Variants in GSAP observed in about 807,000 individuals in gnomAD.
GSAP encodes the protein gamma-secretase activating protein, also known as gamma-secretase-activating protein.
In GSAP, 118 loss-of-function variants were observed where a neutral mutation model predicts 131.7. That is an observed-to-expected ratio of 0.90 (90% confidence interval 0.77 to 1.04). GSAP has a LOEUF of 1.04. Among genes scored for constraint, GSAP ranks in the 50% least tolerant of loss-of-function variants. GSAP has a pLI of 0.00. For missense variants in GSAP, 1,019 were observed against 1,013.2 expected (o/e 1.01, Z -0.08); for synonymous variants, 381 against 363.4 (o/e 1.05, Z -0.55).
At chr7:77,360,211 A>T (rs1193848957) in intron 14 of GSAP, among the ~76,000 whole-genome samples, 1 of 152,206 alleles carries the variant, frequency 6.6e-6, no homozygotes. Context: ...TAAGCAAGTA[A>T]ATCATTACTT....
rs753408449 is a variant in GSAP, at chr7:77,355,437, A to C, written c.1121-7T>G. 3 of 799,490 alleles carry C rather than the reference A, an allele frequency of 3.8e-6. No homozygotes were observed. Among genetic ancestry groups the C allele is most frequent in the South Asian group, 2.2e-5 (1 of 45,504 alleles). The allele number at this position is 799,490 out of a possible 1,614,324, so 49.5% of individuals were successfully genotyped here. A position where few individuals can be genotyped will look rare whatever the true frequency, so the allele number is the denominator to read the frequency against. ...TCAATCATTTCATTATTTCCTGGCA[A>C]AAAAAAAAAAAACAGTAGATCAGCA... On this transcript the variant is annotated splice_region_variant and splice_polypyrimidine_tract_variant and intron_variant, in intron 15 of 30. Coordinates refer to ENST00000257626, the MANE Select transcript of GSAP (RefSeq NM_017439.4).
At chr7:77,382,291 T>C (rs998520733) in intron 7 of GSAP, among the ~76,000 whole-genome samples, 13 of 152,040 alleles carry the variant, frequency 8.6e-5, no homozygotes, top group East Asian at 1.9e-4. Flanking sequence ...AAATGACCCA[T>C]GCAACTTTCT....
intron 10 of GSAP, 47 bp downstream of exon 10, chr7:77,376,797 AGAGT>A: frequency 1.4e-6 from 1 of 704,730 alleles, no homozygotes; most frequent in Non-Finnish European, 2.4e-6. Flanking sequence ...AAAAAAAAAG[AGAGT>A]AATGTATCAT....
chr7:77,341,454 C>G (rs1790884167), intron 19 of GSAP, among the ~76,000 whole-genome samples: 1 of 152,178 alleles, frequency 6.6e-6, no homozygotes, highest in South Asian at 2.1e-4. Context: ...AGTTTCATTC[C>G]ACGACTAGCC....
At chr7:77,359,045 G>C (rs1410925377) in intron 14 of GSAP, among the ~76,000 whole-genome samples, 1 of 152,130 alleles carries the variant, frequency 6.6e-6, no homozygotes, top group East Asian at 1.9e-4. Context: ...TAATTAGCTA[G>C]GCATGGTGGC....
intron 14 of GSAP, among the ~76,000 whole-genome samples, chr7:77,357,241 G>C (rs1274509067): frequency 6.6e-6 from 1 of 152,114 alleles, no homozygotes; most frequent in Non-Finnish European, 1.5e-5. Context: ...AATGAACAGG[G>C]AATTTTTGTC....
Position 77,372,826 on chromosome 7 carries a change from G to A in GSAP, c.871+1244C>T, listed in dbSNP as rs192374445. On this transcript the variant is annotated intron_variant, in intron 12 of 30. Coordinates refer to ENST00000257626, the MANE Select transcript of GSAP (RefSeq NM_017439.4). ...GATCCACAAGGTCCCACATAGCCTGGCCCCTGCCTGCCTCTCCAGCTTTCT... is the reference window on the plus strand; with the variant it reads ...GATCCACAAGGTCCCACATAGCCTGACCCCTGCCTGCCTCTCCAGCTTTCT... Among the ~76,000 whole-genome samples, 30 of 152,276 alleles carry A rather than the reference G, an allele frequency of 2.0e-4. No individual in the cohort carries two copies. The East Asian group carries it at 5.0e-3, about 25-fold the overall frequency.
intron 12 of GSAP, among the ~76,000 whole-genome samples, chr7:77,373,831 CCATA>C (rs2150989025): frequency 1.3e-5 from 2 of 152,226 alleles, no homozygotes; most frequent in South Asian, 4.1e-4. Context: ...TCTGTTAGAA[CCATA>C]CAAATAATAA....
At position 77,320,807 on chromosome 7, in the gene GSAP, G is replaced by T; in HGVS notation, c.2007C>A (p.Gly669=). 2 of 1,604,384 alleles carry T rather than the reference G, an allele frequency of 1.2e-6. No individual in the cohort carries two copies. The highest frequency in any genetic ancestry group is 1.7e-6 in the Non-Finnish European group (2 of 1,171,280). The change falls in exon 26 of 31, where the codon GGC becomes GGA. Residue 669 remains glycine, a synonymous_variant. Coordinates refer to ENST00000257626, the MANE Select transcript of GSAP (RefSeq NM_017439.4). Reference sequence around the variant, plus strand: ...GAAAAACTGCAAATTCAGCAGCACTGCCACGACTATTGCTGGGTAAAAAAA... The same window carrying T: ...GAAAAACTGCAAATTCAGCAGCACTTCCACGACTATTGCTGGGTAAAAAAA... ...HSWVLHFNSR[G]SAAEFAVFHI...
intron 13 of GSAP, among the ~76,000 whole-genome samples, chr7:77,362,011 G>C (rs1159065882): frequency 6.6e-6 from 1 of 152,086 alleles, no homozygotes; most frequent in Non-Finnish European, 1.5e-5. Context: ...ACACACTTTG[G>C]ATAAATACCT....
chr7:77,338,740 C>T (rs757661846), intron 19 of GSAP, among the ~76,000 whole-genome samples: 8 of 152,178 alleles, frequency 5.3e-5, no homozygotes, highest in Non-Finnish European at 1.2e-4. Flanking sequence ...GGCACCACCA[C>T]CTAAAACCAT....
At chr7:77,362,753 A>T in intron 12 of GSAP, 93 bp from the exon 13 acceptor site, 1 of 721,782 alleles carries the variant, frequency 1.4e-6, no homozygotes, top group Non-Finnish European at 2.5e-6. Flanking sequence ...ATTCCTTTAG[A>T]TGTCCTGTCT....
intron 1 of GSAP, among the ~76,000 whole-genome samples, chr7:77,411,210 C>CA (rs1803237239): frequency 6.6e-6 from 1 of 151,406 alleles, no homozygotes; most frequent in Admixed American, 6.6e-5. Context: ...ATTCTTGAAT[C>CA]AGTCACTTGG....
chr7:77,385,754 GA>G (rs1393335862), intron 6 of GSAP, among the ~76,000 whole-genome samples: 4 of 152,176 alleles, frequency 2.6e-5, no homozygotes, highest in Admixed American at 2.0e-4. Flanking sequence ...GCTGACAGGG[GA>G]GGACCCTGGG....
At chr7:77,384,868 G>A (rs993859942) in intron 6 of GSAP, among the ~76,000 whole-genome samples, 1 of 152,238 alleles carries the variant, frequency 6.6e-6, no homozygotes, top group African/African-American at 2.4e-5. Context: ...GCGGGGATTT[G>A]CCACTGGGGT....
At chr7:77,395,079 AT>A (rs1394210460) in intron 5 of GSAP, among the ~76,000 whole-genome samples, 1 of 152,246 alleles carries the variant, frequency 6.6e-6, no homozygotes, top group Non-Finnish European at 1.5e-5. Context: ...ATCAGGTAAA[AT>A]TTAAAATTGG....
chr7:77,403,363 G>C (rs908221709), intron 3 of GSAP, among the ~76,000 whole-genome samples: 1 of 152,186 alleles, frequency 6.6e-6, no homozygotes, highest in Non-Finnish European at 1.5e-5. Flanking sequence ...AGGGAAGAGA[G>C]AATTAACCAA....
At chr7:77,326,745 C>G (rs1020701161) in intron 22 of GSAP, 1 of 153,014 alleles carries the variant, frequency 6.5e-6, no homozygotes, top group African/African-American at 2.4e-5. Flanking sequence ...TACTAACTGG[C>G]ACAAGTTATC....
chr7:77,377,499 A>G, intron 8 of GSAP, 109 bp from the exon 9 acceptor site: 1 of 1,272,250 alleles, frequency 7.9e-7, no homozygotes, highest in South Asian at 2.0e-5. Flanking sequence ...ATACATGTAA[A>G]TATTTCCACA....
Sources: gnomAD v4.1 joint callset for allele counts (sites outside exome capture counted in the v4.1 genomes callset) on GRCh38, gnomAD v4.1.1 for gene constraint, MANE v1.5 for transcripts, NCBI Gene and HGNC (gene_info 2026-07-23, HGNC 2026-07-21) for gene names.